SMIM31: variants seen among roughly 807,000 people sequenced by gnomAD.
The protein encoded by SMIM31 is small integral membrane protein 31.
At chr4:164,784,205 G>A (rs571646073) in intron 2 of SMIM31, among the ~76,000 whole-genome samples, 1 of 152,340 alleles carries the variant, frequency 6.6e-6, no homozygotes, top group African/African-American at 2.4e-5. Context: ...ACTCCCCAGG[G>A]AGATGTAAAA....
At position 164,767,679 on chromosome 4, in the gene SMIM31, C is replaced by G. The variant is rs577122169; in HGVS notation, c.-25-2740C>G. Among the ~76,000 whole-genome samples, 79 of 152,288 alleles carry G rather than the reference C, an allele frequency of 5.2e-4. 1 individual carries two copies. Among genetic ancestry groups the G allele is most frequent in the African/African-American group, 1.9e-3 (78 of 41,562 alleles). On this transcript the variant is annotated intron_variant, in intron 1 of 2. Coordinates refer to ENST00000507311, the MANE Select transcript of SMIM31 (RefSeq NM_001352885.1). Reference sequence around the variant, plus strand: ...TCATCTTTGCATTTAGAAAATAACTCTTGGCTGGTTTATTTATGCAGAAAT... The same window carrying G: ...TCATCTTTGCATTTAGAAAATAACTGTTGGCTGGTTTATTTATGCAGAAAT...
At chr4:164,793,270 C>T (rs1733130566) in intron 2 of SMIM31, among the ~76,000 whole-genome samples, 1 of 152,196 alleles carries the variant, frequency 6.6e-6, no homozygotes, top group Non-Finnish European at 1.5e-5. Flanking sequence ...GGCTCACTAT[C>T]TGGGTGACGG....
rs543940029 is a variant in SMIM31 at position 164,783,989 on chromosome 4, G to T, written c.112+13434G>T. ...CTCAAAGTACTGCTTTAGTAACTTGGAAATGACAAGAATTCCAGGCATTAT... is the reference window on the plus strand; with the variant it reads ...CTCAAAGTACTGCTTTAGTAACTTGTAAATGACAAGAATTCCAGGCATTAT... On this transcript the variant is annotated intron_variant, in intron 2 of 2. Coordinates refer to ENST00000507311, the MANE Select transcript of SMIM31 (RefSeq NM_001352885.1). 7.9e-5 allele frequency among the ~76,000 whole-genome samples: 12 copies of T among 152,208 alleles called. No individual in the cohort carries two copies. In the South Asian group the frequency reaches 1.9e-3, roughly 24 times the overall value.
intron 2 of SMIM31, among the ~76,000 whole-genome samples, chr4:164,784,990 G>A (rs1272386337): frequency 2.6e-5 from 4 of 151,580 alleles, no homozygotes; most frequent in South Asian, 4.1e-4. Flanking sequence ...TTGGGAGGCC[G>A]AGGCGGGCGG....
chr4:164,781,817 C>T (rs1732953107), intron 2 of SMIM31, among the ~76,000 whole-genome samples: 2 of 152,118 alleles, frequency 1.3e-5, no homozygotes, highest in South Asian at 4.1e-4. Context: ...GTGGAAAAGG[C>T]CAAACCGCAG....
intron 2 of SMIM31, among the ~76,000 whole-genome samples, chr4:164,783,675 A>T (rs1329278261): frequency 6.6e-6 from 1 of 151,956 alleles, no homozygotes; most frequent in Non-Finnish European, 1.5e-5. Context: ...CCAGCTACTT[A>T]GCAGGCTAAG....
chr4:164,758,622 CTTTTTTTGTT>C (rs1398304049), intron 1 of SMIM31, among the ~76,000 whole-genome samples: 3 of 105,390 alleles, frequency 2.8e-5, no homozygotes, highest in Non-Finnish European at 5.8e-5. Flanking sequence ...TGTAGTTTTC[CTTTTTTTGTT>C]TTTTTTTTTT....
chr4:164,769,956 A>T (rs1732772204), intron 1 of SMIM31, among the ~76,000 whole-genome samples: 1 of 152,120 alleles, frequency 6.6e-6, no homozygotes, highest in Non-Finnish European at 1.5e-5. Flanking sequence ...TAGATTTATA[A>T]CTTAAGGTAA....
At chr4:164,796,989 T>G (rs993508750) in intron 2 of SMIM31, among the ~76,000 whole-genome samples, 3 of 152,238 alleles carry the variant, frequency 2.0e-5, no homozygotes, top group Non-Finnish European at 4.4e-5. Context: ...GGCCCTTGAC[T>G]ACACTGTTCT....
intron 2 of SMIM31, among the ~76,000 whole-genome samples, chr4:164,771,142 G>A (rs17045486): frequency 0.039 from 5,898 of 152,238 alleles, 139 homozygotes; most frequent in South Asian, 0.071. Flanking sequence ...TATAAAATAA[G>A]TGCTGTCTGT....
intron 2 of SMIM31, among the ~76,000 whole-genome samples, chr4:164,794,911 T>C (rs1733169400): frequency 6.6e-6 from 1 of 151,696 alleles, no homozygotes; most frequent in Non-Finnish European, 1.5e-5. Context: ...TTTAAAAAAA[T>C]ATTTTTTTAA....
intron 2 of SMIM31, among the ~76,000 whole-genome samples, chr4:164,799,459 C>T (rs956342764): frequency 9.2e-5 from 14 of 151,584 alleles, no homozygotes; most frequent in Admixed American, 1.3e-4. Context: ...TTTTTAACAG[C>T]GATGGAAAGA....
At position 164,760,130 on chromosome 4, in the gene SMIM31, G is replaced by A. The variant is rs545061562; in HGVS notation, c.-26+5719G>A. 3.3e-5 allele frequency among the ~76,000 whole-genome samples: 5 copies of A among 152,238 alleles called. No homozygotes were observed. The East Asian group carries it at 9.7e-4, about 29-fold the overall frequency. ...GCACCTAGAATGGAGGAAATGACGGGGAGGAAAGTAGGAGAGAAAGTCAGA... is the reference window on the plus strand; with the variant it reads ...GCACCTAGAATGGAGGAAATGACGGAGAGGAAAGTAGGAGAGAAAGTCAGA... On this transcript the variant is annotated intron_variant, in intron 1 of 2. Coordinates refer to ENST00000507311, the MANE Select transcript of SMIM31 (RefSeq NM_001352885.1).
At chr4:164,755,005 T>C (rs1186700713) in intron 1 of SMIM31, among the ~76,000 whole-genome samples, 1 of 146,958 alleles carries the variant, frequency 6.8e-6, no homozygotes, top group Non-Finnish European at 1.5e-5. Context: ...AATACTGTCA[T>C]TTATCTGCTT....
At chr4:164,800,768 A>G (rs187956105) in intron 2 of SMIM31, among the ~76,000 whole-genome samples, 1 of 152,288 alleles carries the variant, frequency 6.6e-6, no homozygotes, top group Non-Finnish European at 1.5e-5. Flanking sequence ...TAATTTTAAC[A>G]TCAATCTTAG....
At chr4:164,798,177 C>A (rs189960520) in intron 2 of SMIM31, among the ~76,000 whole-genome samples, 1 of 151,842 alleles carries the variant, frequency 6.6e-6, no homozygotes, top group Admixed American at 6.6e-5. Flanking sequence ...CTATTGTGAT[C>A]ATTGTTGCGA....
chr4:164,779,366 C>A (rs1199138934), intron 2 of SMIM31, among the ~76,000 whole-genome samples: 3 of 152,124 alleles, frequency 2.0e-5, no homozygotes, highest in Non-Finnish European at 2.9e-5. Context: ...GAAAAAAATG[C>A]CAAAATGTCT....
At chr4:164,757,825 T>C (rs974138165) in intron 1 of SMIM31, among the ~76,000 whole-genome samples, 1 of 150,340 alleles carries the variant, frequency 6.7e-6, no homozygotes, top group African/African-American at 2.4e-5. Flanking sequence ...CTAAAGTTTA[T>C]AGTAAGTCTT....
chr4:164,756,667 G>T (rs966884098), intron 1 of SMIM31, among the ~76,000 whole-genome samples: 1 of 151,788 alleles, frequency 6.6e-6, no homozygotes, highest in African/African-American at 2.4e-5. Context: ...ACCTAATCAA[G>T]TTCTACCCCT....
Sources: gnomAD v4.1 joint callset for allele counts (sites outside exome capture counted in the v4.1 genomes callset) on GRCh38, gnomAD v4.1.1 for gene constraint, MANE v1.5 for transcripts, NCBI Gene and HGNC (gene_info 2026-07-23, HGNC 2026-07-21) for gene names.